NIBAN1: variants seen among roughly 807,000 people sequenced by gnomAD.
NIBAN1 encodes protein Niban 1.
A neutral mutation model predicts 75.1 loss-of-function variants in NIBAN1; 81 were observed. That is an observed-to-expected ratio of 1.08 (90% CI 0.90 to 1.30). NIBAN1 has a LOEUF of 1.30. Ranked by LOEUF, NIBAN1 falls within the 50% of genes most tolerant of loss-of-function variation. NIBAN1 has a pLI of 0.00. For missense variants in NIBAN1, 1,133 were observed against 1,128.1 expected (o/e 1.00, Z -0.06); for synonymous variants, 436 against 424.8 (o/e 1.03, Z -0.32).
intron 5 of NIBAN1, among the ~76,000 whole-genome samples, chr1:184,874,606 A>G (rs890186864): frequency 2.0e-5 from 3 of 152,094 alleles, no homozygotes; most frequent in African/African-American, 7.2e-5. Context: ...GCTTATATAT[A>G]CACACATATA....
chr1:184,860,537 T>C (rs1655790125), intron 5 of NIBAN1, among the ~76,000 whole-genome samples: 1 of 152,220 alleles, frequency 6.6e-6, no homozygotes, highest in Non-Finnish European at 1.5e-5. Flanking sequence ...GAAAATATTT[T>C]GTATCTTAAA....
intron 6 of NIBAN1, among the ~76,000 whole-genome samples, chr1:184,830,187 C>T (rs1654958697): frequency 6.6e-6 from 1 of 152,238 alleles, no homozygotes; most frequent in South Asian, 2.1e-4. Flanking sequence ...TTACCCATCT[C>T]ATAAGATTGG....
At chr1:184,940,926 C>T (rs1032599417) in intron 1 of NIBAN1, among the ~76,000 whole-genome samples, 4 of 152,196 alleles carry the variant, frequency 2.6e-5, no homozygotes, top group Admixed American at 2.0e-4. Flanking sequence ...CATCTCCTAG[C>T]GGGTTAAGCG....
intron 5 of NIBAN1, among the ~76,000 whole-genome samples, chr1:184,863,195 G>C (rs191925811): frequency 8.1e-4 from 124 of 152,202 alleles, no homozygotes; most frequent in Non-Finnish European, 1.4e-3. Context: ...TGAACACTAA[G>C]GTTATTCTCT....
At position 184,858,110 on chromosome 1, in the gene NIBAN1, TTAA is replaced by T. The variant is rs558996923; in HGVS notation, c.602-26151_602-26149del. 2.3e-3 allele frequency among the ~76,000 whole-genome samples: 357 copies of T among 151,998 alleles called. 1 individual carries two copies. Among genetic ancestry groups the T allele is most frequent in the African/African-American group, 8.2e-3 (340 of 41,496 alleles). Reference sequence around the variant, plus strand: ...TGGCAAAATATATCATAATTAAAGGTTAATAATAACATAATTAGTTTATAATAA... The same window carrying T: ...TGGCAAAATATATCATAATTAAAGGTTAATAACATAATTAGTTTATAATAA... On this transcript the variant is annotated intron_variant, in intron 5 of 13. Transcript: ENST00000367511.
chr1:184,967,444 T>A (rs534818416), intron 1 of NIBAN1, among the ~76,000 whole-genome samples: 36 of 152,190 alleles, frequency 2.4e-4, no homozygotes, highest in Non-Finnish European at 3.2e-4. Flanking sequence ...AAATTAAAAT[T>A]TCTGATTAGG....
chr1:184,798,814 T>C (rs1180436327), intron 12 of NIBAN1, among the ~76,000 whole-genome samples: 2 of 152,092 alleles, frequency 1.3e-5, no homozygotes, highest in Non-Finnish European at 2.9e-5. Context: ...ATACCTATCA[T>C]GATAGTTTTT....
intron 1 of NIBAN1, among the ~76,000 whole-genome samples, chr1:184,920,113 AGGAGGAAACCTACAAGAC>A (rs1657491605): frequency 6.6e-6 from 1 of 152,200 alleles, no homozygotes; most frequent in South Asian, 2.1e-4. Context: ...GACATTGAGG[AGGAGGAAACCTACAAGAC>A]GTGTAAAAAT....
At chr1:184,905,795 CA>C (rs1476309486) in intron 1 of NIBAN1, among the ~76,000 whole-genome samples, 1 of 152,166 alleles carries the variant, frequency 6.6e-6, no homozygotes, top group African/African-American at 2.4e-5. Context: ...TTTATATACT[CA>C]GCAAATATTT....
intron 1 of NIBAN1, among the ~76,000 whole-genome samples, chr1:184,910,658 T>C (rs936574858): frequency 1.3e-5 from 2 of 151,968 alleles, no homozygotes; most frequent in Non-Finnish European, 2.9e-5. Flanking sequence ...CAAAAAGATG[T>C]TTTGATGATT....
chr1:184,839,697 G>A (rs1655232319), intron 5 of NIBAN1, among the ~76,000 whole-genome samples: 1 of 152,060 alleles, frequency 6.6e-6, no homozygotes, highest in Non-Finnish European at 1.5e-5. Context: ...CCGGGTTCAA[G>A]CGATTATCCT....
At chr1:184,853,184 T>C (rs1208510603) in intron 5 of NIBAN1, among the ~76,000 whole-genome samples, 6 of 152,228 alleles carry the variant, frequency 3.9e-5, no homozygotes, top group African/African-American at 1.4e-4. Flanking sequence ...ACCAAAAGCA[T>C]TGTGATATAC....
chr1:184,865,674 A>T (rs574310985), intron 5 of NIBAN1, among the ~76,000 whole-genome samples: 1 of 152,324 alleles, frequency 6.6e-6, no homozygotes, highest in South Asian at 2.1e-4. Flanking sequence ...CAGTGACTTA[A>T]ATAATGGCAT....
chr1:184,947,958 G>A (rs922624194), intron 1 of NIBAN1, among the ~76,000 whole-genome samples: 1 of 152,252 alleles, frequency 6.6e-6, no homozygotes, highest in Admixed American at 6.5e-5. Flanking sequence ...AGCACGTGAT[G>A]TTTATTCCTT....
intron 1 of NIBAN1, among the ~76,000 whole-genome samples, chr1:184,950,221 C>G (rs1467569241): frequency 1.3e-5 from 2 of 152,050 alleles, no homozygotes; most frequent in African/African-American, 4.8e-5. Context: ...ATAATGGTCT[C>G]TATTATCTTA....
intron 5 of NIBAN1, among the ~76,000 whole-genome samples, chr1:184,863,736 G>A (rs542302074): frequency 6.6e-6 from 1 of 152,098 alleles, no homozygotes; most frequent in Non-Finnish European, 1.5e-5. Flanking sequence ...TACTATTCAA[G>A]CACTGGACAT....
intron 9 of NIBAN1, among the ~76,000 whole-genome samples, chr1:184,816,283 G>T (rs1363206929): frequency 6.6e-6 from 1 of 152,102 alleles, no homozygotes; most frequent in Non-Finnish European, 1.5e-5. Context: ...TTAAATGTTT[G>T]CATGTAGCCA....
chr1:184,809,205 C>G (rs1270298707), intron 9 of NIBAN1, among the ~76,000 whole-genome samples: 3 of 152,168 alleles, frequency 2.0e-5, no homozygotes, highest in African/African-American at 7.2e-5. Context: ...TCTCATTATG[C>G]TTTAAAGGGA....
intron 5 of NIBAN1, among the ~76,000 whole-genome samples, chr1:184,838,940 C>T (rs1360299484): frequency 6.6e-6 from 1 of 152,224 alleles, no homozygotes; most frequent in Non-Finnish European, 1.5e-5. Context: ...CACTGAGTTA[C>T]ACTTCTAAAC....
Sources: allele counts gnomAD v4.1 joint callset (sites outside exome capture counted in the v4.1 genomes callset), GRCh38; gene constraint gnomAD v4.1.1; transcripts MANE v1.5; gene names NCBI Gene and HGNC (gene_info 2026-07-23, HGNC 2026-07-21).